The following COBL variants were observed in gnomAD, a reference collection of about 807,000 sequenced individuals.
The protein encoded by COBL is cordon-bleu WH2 repeat protein.
A neutral mutation model predicts 98.8 loss-of-function variants in COBL; 51 were observed. The observed-to-expected ratio is 0.52, with a 90% CI of 0.41 to 0.65. The LOEUF is 0.65. COBL is among the 30% of genes least tolerant of loss of function. COBL has a pLI of 0.00. For missense variants in COBL, 1,617 were observed against 1,617.5 expected (o/e 1.00, Z 0.01); for synonymous variants, 634 against 651.7 (o/e 0.97, Z 0.41).
intron 6 of COBL, 91 bp downstream of exon 6, chr7:51,136,067 T>C (rs1320720729): frequency 4.8e-6 from 7 of 1,472,382 alleles, no homozygotes; most frequent in Non-Finnish European, 6.4e-6. Flanking sequence ...GCCACAAACA[T>C]GAAGGATTAC....
intron 7 of COBL, chr7:51,071,315 A>T (rs1450439347): frequency 1.3e-5 from 2 of 152,218 alleles, no homozygotes; most frequent in African/African-American, 4.8e-5. Flanking sequence ...AATTTATCTG[A>T]TTCTTAGAAG....
At chr7:51,055,550 G>C (rs1404324339) in intron 7 of COBL, among the ~76,000 whole-genome samples, 4 of 152,160 alleles carry the variant, frequency 2.6e-5, no homozygotes, top group African/African-American at 9.7e-5. Context: ...CTTGGCCCGT[G>C]TCAGAACGCC....
intron 6 of COBL, among the ~76,000 whole-genome samples, chr7:51,133,169 A>T (rs1798911833): frequency 6.6e-6 from 1 of 151,966 alleles, no homozygotes; most frequent in Non-Finnish European, 1.5e-5. Context: ...GCCCCAGGAG[A>T]TGAAGCAGGA....
chr7:51,276,483 T>C (rs1005103376), intron 1 of COBL, among the ~76,000 whole-genome samples: 1 of 152,238 alleles, frequency 6.6e-6, no homozygotes, highest in Non-Finnish European at 1.5e-5. Context: ...CCCTATCCAC[T>C]GTGGGCTTTC....
intron 5 of COBL, among the ~76,000 whole-genome samples, chr7:51,142,348 A>C (rs1799840920): frequency 1.3e-5 from 2 of 152,014 alleles, no homozygotes; most frequent in Admixed American, 1.3e-4. Context: ...CATTTTCTTA[A>C]AATGAGCAAA....
rs1975298 is a variant in COBL, at chr7:51,057,018, G to C, written c.1097-13326C>G. Among the ~76,000 whole-genome samples the C allele has an allele frequency of 2.6e-3, 397 of 152,278 alleles. 3 individuals carry two copies. The highest frequency in any genetic ancestry group is 3.6e-3 in the Non-Finnish European group (246 of 68,028). On this transcript the variant is annotated intron_variant, in intron 7 of 12. Transcript: ENST00000265136. ...CTGGTGAAATCTGCCATCCTGTCCT[G>C]TCCCACCATGAATGGGAATCTTCCC...
At chr7:51,098,023 C>CAAAAA (rs3047141) in intron 6 of COBL, among the ~76,000 whole-genome samples, 3 of 94,348 alleles carry the variant, frequency 3.2e-5, no homozygotes, top group Admixed American at 1.1e-4. Flanking sequence ...GACTCCATCT[C>CAAAAA]AAAAAAAAAA....
chr7:51,231,067 C>G (rs748694234), intron 1 of COBL, among the ~76,000 whole-genome samples: 2 of 152,208 alleles, frequency 1.3e-5, no homozygotes, highest in African/African-American at 2.4e-5. Flanking sequence ...AGTGAGTGAA[C>G]TAACACAATG....
rs150115852 is a variant in COBL at position 51,065,942 on chromosome 7, G to A, written c.1096+19224C>T. The stretch of plus-strand genomic sequence containing the variant: ...CCAGGGATAAGGCAGCCATCTGCAA[G>A]CCAAGGAAAGAGGCCTCAGGAGAAA... On this transcript the variant is annotated intron_variant, in intron 7 of 12. Coordinates refer to ENST00000265136, the MANE Select transcript of COBL (RefSeq NM_015198.5). Among the ~76,000 whole-genome samples, 563 of 152,306 alleles carry A rather than the reference G, an allele frequency of 3.7e-3. 5 individuals are homozygous for A. Among genetic ancestry groups the A allele is most frequent in the African/African-American group, 0.013 (535 of 41,574 alleles).
At chr7:51,027,628 C>A in intron 10 of COBL, 84 bp downstream of exon 10, 1 of 1,170,978 alleles carries the variant, frequency 8.5e-7, no homozygotes, top group Non-Finnish European at 1.2e-6. Flanking sequence ...CTCTCTCTCT[C>A]CTCCGCTTTA....
At chr7:51,182,073 G>C (rs1473391650) in intron 5 of COBL, among the ~76,000 whole-genome samples, 1 of 152,114 alleles carries the variant, frequency 6.6e-6, no homozygotes, top group African/African-American at 2.4e-5. Context: ...TTACAAGGAA[G>C]AAGACACAAA....
At chr7:51,258,198 G>A (rs915925381) in intron 1 of COBL, among the ~76,000 whole-genome samples, 5 of 152,048 alleles carry the variant, frequency 3.3e-5, no homozygotes, top group African/African-American at 1.2e-4. Flanking sequence ...TCAATGAATG[G>A]TTAAAACCAT....
chr7:51,078,805 T>A (rs1793339089), intron 7 of COBL, among the ~76,000 whole-genome samples: 1 of 152,198 alleles, frequency 6.6e-6, no homozygotes. Flanking sequence ...TTGGCAGGTT[T>A]CTAGGCTCAT....
chr7:51,215,023 C>A (rs1378400142), intron 2 of COBL, among the ~76,000 whole-genome samples: 2 of 152,000 alleles, frequency 1.3e-5, no homozygotes, highest in African/African-American at 2.4e-5. Context: ...TTTCTACTTG[C>A]TGAGGAGTCT....
At chr7:51,252,791 CT>C (rs1796847380) in intron 1 of COBL, among the ~76,000 whole-genome samples, 3 of 151,998 alleles carry the variant, frequency 2.0e-5, no homozygotes, top group Non-Finnish European at 2.9e-5. Flanking sequence ...GTTTTTTTCT[CT>C]TTTATAAGTA....
chr7:51,019,964 G>A (rs1437737188), intron 12 of COBL, among the ~76,000 whole-genome samples: 1 of 152,172 alleles, frequency 6.6e-6, no homozygotes, highest in Non-Finnish European at 1.5e-5. Flanking sequence ...TCCTGTTACT[G>A]TCACATGTCT....
In COBL at chr7:51,029,236, T is replaced by C. The variant is rs1350493370; in HGVS notation, c.1860A>G (p.Lys620=). The C allele has an allele frequency of 4.3e-6, 7 of 1,613,750 alleles. No individual in the cohort carries two copies. The highest frequency in any genetic ancestry group is 5.9e-6 in the Non-Finnish European group (7 of 1,179,838). ...GCGCCGTTTCCATTAGATTCCCATC[T>C]TTAGAGATGTTAGATAAGGCCACAC... ...GIRVALSNIS[K]DGNLMETAPR... The change falls in exon 10 of 13, where the codon AAA becomes AAG. Residue 620 remains lysine, a synonymous_variant. Transcript: ENST00000265136.
chr7:51,114,652 C>G (rs1014938736), intron 6 of COBL, among the ~76,000 whole-genome samples: 6 of 152,104 alleles, frequency 3.9e-5, no homozygotes, highest in Admixed American at 3.9e-4. Context: ...CAATAGGGGT[C>G]CCTTGCTTGG....
chr7:51,148,353 TTTGG>T (rs1300284797), intron 5 of COBL, among the ~76,000 whole-genome samples: 2 of 152,150 alleles, frequency 1.3e-5, no homozygotes, highest in Admixed American at 6.5e-5. Context: ...TAGATTCTCT[TTTGG>T]TTGGTTTCTA....
Sources: allele counts gnomAD v4.1 joint callset (sites outside exome capture counted in the v4.1 genomes callset), GRCh38; gene constraint gnomAD v4.1.1; transcripts MANE v1.5; gene names NCBI Gene and HGNC (gene_info 2026-07-23, HGNC 2026-07-21).